Variants in FAM8A1 observed in about 807,000 individuals in gnomAD.
FAM8A1 encodes family with sequence similarity 8 member A1.
Under a neutral mutation model 38.3 loss-of-function variants are expected in FAM8A1, and 18 were observed. That is an observed-to-expected ratio of 0.47 (90% CI 0.33 to 0.70). The LOEUF (loss-of-function observed/expected upper bound fraction) is 0.70, where lower values mean the gene tolerates loss of function less well. Ranked by LOEUF, FAM8A1 falls within the 30% of genes least tolerant of loss-of-function variation. The probability of loss-of-function intolerance (pLI) is 0.03; values close to 1 mark genes in which losing one functional copy is unlikely to be tolerated. For synonymous variants in FAM8A1, 246 were observed against 234.4 expected, an observed-to-expected ratio of 1.05 and a Z score of -0.45; for missense variants, 559 against 559.6, an observed-to-expected ratio of 1.00 and a Z score of 0.01.
At position 17,601,641 on chromosome 6, in the gene FAM8A1, T is replaced by A. The variant is rs77270744; in HGVS notation, c.712+520T>A. On this transcript the variant is annotated intron_variant, in intron 1 of 4. Coordinates refer to ENST00000259963, the MANE Select transcript of FAM8A1 (RefSeq NM_016255.3). The stretch of plus-strand genomic sequence containing the variant: ...AATATCTTGTATATTGTGTAATTGT[T>A]TTTGCTTCTGTGTGTGAACTAGAAT... Among the ~76,000 whole-genome samples the A allele has an allele frequency of 6.6e-4, 101 of 152,340 alleles. 2 individuals are homozygous for A. In the East Asian group the frequency reaches 0.016, roughly 24 times the overall value.
At position 17,600,378 on chromosome 6, in the gene FAM8A1, C is replaced by T. The variant is rs1763962104; in HGVS notation, c.-32C>T. ...TTGGGGGAGGGAAACGGAGCAGTGA[C>T]AGGTATCCCAGAGGGTGCTGCTGAG... On this transcript the variant is annotated 5_prime_UTR_variant, in exon 1 of 5. Transcript: ENST00000259963. 7.3e-7 allele frequency: 1 copy of T among 1,360,662 alleles called. No individual in the cohort carries two copies. Among genetic ancestry groups the T allele is most frequent in the South Asian group, 1.8e-5 (1 of 54,852 alleles). 84.3% of individuals were successfully genotyped at this position (1,360,662 alleles called of 1,614,324 possible).
rs544019346 is a variant in FAM8A1 at position 17,600,999 on chromosome 6, C to T, written c.590C>T (p.Ala197Val). 190 of 1,589,758 alleles carry T rather than the reference C, an allele frequency of 1.2e-4. 1 individual carries two copies. The South Asian group carries it at 1.9e-3, about 16-fold the overall frequency. Reference sequence around the variant, plus strand: ...ACAGCTGCCGGCATCAGCACCCCTGCTCCAGTCGCGGGCCTGGGACCCCGG... The same window carrying T: ...ACAGCTGCCGGCATCAGCACCCCTGTTCCAGTCGCGGGCCTGGGACCCCGG... ...PRTAAGISTP[A>V]PVAGLGPRAP... Residue 197 changes from alanine (A) to valine (V), a missense_variant, in exon 1 of 5, where the codon GCT (alanine) becomes GTT (valine). This residue lies in a region of FAM8A1 where 393 missense variants were observed against 338.9 expected (regional missense o/e 1.16). Coordinates refer to ENST00000259963, the MANE Select transcript of FAM8A1 (RefSeq NM_016255.3).
chr6:17,606,285 C>T (rs1764052530), intron 4 of FAM8A1, among the ~76,000 whole-genome samples: 1 of 150,294 alleles, frequency 6.7e-6, no homozygotes, highest in South Asian at 2.1e-4. Context: ...ACTGCAGGCT[C>T]CGCCTCCCAG....
In FAM8A1 at chr6:17,600,610, G is replaced by A. The variant is rs1457485734; in HGVS notation, c.201G>A (p.Leu67=). The change falls in exon 1 of 5, where the codon TTG becomes TTA. Residue 67 remains leucine (L), a synonymous_variant. Transcript: ENST00000259963. ...CGGCTGCCGCCGCAGCCGACAAATTGGAGCCGCCGCGCGAGCTCAGGAAGC... is the reference window on the plus strand; with the variant it reads ...CGGCTGCCGCCGCAGCCGACAAATTAGAGCCGCCGCGCGAGCTCAGGAAGC... ...GLAAAAAADK[L]EPPRELRKRG... 7 of 1,500,496 alleles carry A rather than the reference G, an allele frequency of 4.7e-6. No homozygotes were observed. Among genetic ancestry groups the A allele is most frequent in the Non-Finnish European group, 6.2e-6 (7 of 1,129,528 alleles). The allele number at this position is 1,500,496 out of a possible 1,614,324, so 92.9% of individuals were successfully genotyped here. A position where few individuals can be genotyped will look rare whatever the true frequency, so the allele number is the denominator to read the frequency against.
Position 17,604,900 on chromosome 6 carries a change from G to T in FAM8A1, c.834-6G>T, listed in dbSNP as rs758527456. 1 of 1,575,362 alleles carries T rather than the reference G, an allele frequency of 6.3e-7. No homozygotes were observed. Reference sequence around the variant, plus strand: ...ATTTATAACCCCAAACTATTATTTTGTGTAGGGATATCTCTAAGTTTGCTA... The same window carrying T: ...ATTTATAACCCCAAACTATTATTTTTTGTAGGGATATCTCTAAGTTTGCTA... On this transcript the variant is annotated splice_region_variant and splice_polypyrimidine_tract_variant and intron_variant, in intron 2 of 4. Coordinates refer to ENST00000259963, the MANE Select transcript of FAM8A1 (RefSeq NM_016255.3).
chr6:17,601,950 C>T lies in FAM8A1; in HGVS notation c.713-640C>T, dbSNP rs571020705. 3.3e-5 allele frequency among the ~76,000 whole-genome samples: 5 copies of T among 152,290 alleles called. No homozygotes were observed. In the South Asian group the frequency reaches 1.0e-3, roughly 32 times the overall value. ...ATTTTGTGTGACTTAGATGTGATCA[C>T]CTGGATTCTCCTCATTAGAATTCCT... On this transcript the variant is annotated intron_variant, in intron 1 of 4. Coordinates refer to ENST00000259963, the MANE Select transcript of FAM8A1 (RefSeq NM_016255.3).
chr6:17,602,596 AAT>A lies in FAM8A1; in HGVS notation c.722_723del (p.Tyr241CysfsTer41). 1 of 1,601,090 alleles carries A rather than the reference AAT, an allele frequency of 6.2e-7. No homozygotes were observed. The highest frequency in any genetic ancestry group is 8.5e-7 in the Non-Finnish European group (1 of 1,177,170). On this transcript the variant is annotated frameshift_variant, in exon 2 of 5. Transcript: ENST00000259963. LOFTEE classifies it high-confidence loss of function. Reference sequence around the variant, plus strand: ...TTTTTTTTTTAATTTACAGGCAGAGAATATGTTATTCCATCCTTGGCCCACAG... The same window carrying A: ...TTTTTTTTTTAATTTACAGGCAGAGAATGTTATTCCATCCTTGGCCCACAG...
chr6:17,602,241 G>C (rs1763994756), intron 1 of FAM8A1, among the ~76,000 whole-genome samples: 1 of 152,232 alleles, frequency 6.6e-6, no homozygotes, highest in African/African-American at 2.4e-5. Flanking sequence ...ATGTTGGCCA[G>C]GGCCAGACTG....
chr6:17,607,742 C>T (rs1454511134), intron 4 of FAM8A1, among the ~76,000 whole-genome samples: 3 of 152,118 alleles, frequency 2.0e-5, no homozygotes, highest in African/African-American at 7.2e-5. Context: ...CTTTTAAAAG[C>T]TTTGCTTAAT....
rs772019710 is a variant in FAM8A1 at position 17,600,440 on chromosome 6, C to T, written c.31C>T (p.His11Tyr). 2.7e-6 allele frequency: 4 copies of T among 1,454,890 alleles called. No homozygotes were observed. The highest frequency in any genetic ancestry group is 2.9e-5 in the Admixed American group (1 of 34,916). The allele number at this position is 1,454,890 out of a possible 1,614,324, so 90.1% of individuals were successfully genotyped here. A position where few individuals can be genotyped will look rare whatever the true frequency, so the allele number is the denominator to read the frequency against. ...CGAGGGGCCCGAGGAAGCCCGAGGC[C>T]ACCCTCCCGGGCAGGACGATGGCGG... MAEGPEEARG[H>Y]PPGQDDGGGD... The change falls in exon 1 of 5, where the codon CAC (histidine) becomes TAC (tyrosine). Residue 11 changes from histidine to tyrosine, a missense_variant. Physicochemically the swap from His to Tyr is moderately conservative, Grantham distance 83. Transcript: ENST00000259963.
chr6:17,608,331 G>T lies in FAM8A1; in HGVS notation c.1234G>T (p.Val412Phe), dbSNP rs1308793785. 2 of 1,610,912 alleles carry T rather than the reference G, an allele frequency of 1.2e-6. No homozygotes were observed. The highest frequency in any genetic ancestry group is 2.7e-5 in the African/African-American group (2 of 74,940). The stretch of plus-strand genomic sequence containing the variant: ...AACCATTGTGGTAAAAAGAAATGGG[G>T]TCAGATGATGCCCCCCAAAACCCTG... ...AGTIVVKRNG[V>F]R is the part of the protein sequence containing the mutation. Residue 412 changes from valine to phenylalanine, a missense_variant, in exon 5 of 5, where the codon GTC becomes TTC. Around this residue, in one of 2 missense-constraint regions of FAM8A1, gnomAD observed 166 missense variants for 220.8 expected, o/e 0.75. Coordinates refer to ENST00000259963, the MANE Select transcript of FAM8A1 (RefSeq NM_016255.3).
chr6:17,608,538 T>G lies in FAM8A1; in HGVS notation c.*199T>G. ...AAGAAAAACCTGTTAAATTCAAGTATTAAAATTTTTAGATCAAAAAGGCAA... is the reference window on the plus strand; with the variant it reads ...AAGAAAAACCTGTTAAATTCAAGTAGTAAAATTTTTAGATCAAAAAGGCAA... On this transcript the variant is annotated 3_prime_UTR_variant, in exon 5 of 5. Transcript: ENST00000259963. 2.2e-6 allele frequency: 1 copy of G among 455,446 alleles called. No homozygotes were observed. The highest frequency in any genetic ancestry group is 3.6e-6 in the Non-Finnish European group (1 of 276,340). The allele number at this position is 455,446 out of a possible 1,614,324, so 28.2% of individuals were successfully genotyped here.
intron 2 of FAM8A1, among the ~76,000 whole-genome samples, chr6:17,603,397 TAGTA>T (rs1259206832): frequency 6.6e-6 from 1 of 152,172 alleles, no homozygotes; most frequent in Non-Finnish European, 1.5e-5. Context: ...GTTACAAAGG[TAGTA>T]AGTGACAGAG....
chr6:17,601,148 CG>C (rs752225242), intron 1 of FAM8A1, 27 bp downstream of exon 1: 38 of 1,565,498 alleles, frequency 2.4e-5, no homozygotes, highest in Non-Finnish European at 3.2e-5. Flanking sequence ...GGAGGCTGGG[CG>C]GAGTAGAAGG....
chr6:17,600,436 A>C lies in FAM8A1; in HGVS notation c.27A>C (p.Arg9=). 6.9e-7 allele frequency: 1 copy of C among 1,451,770 alleles called. No individual in the cohort carries two copies. The highest frequency in any genetic ancestry group is 9.1e-7 in the Non-Finnish European group (1 of 1,103,236). The allele number at this position is 1,451,770 out of a possible 1,614,324, so 89.9% of individuals were successfully genotyped here. A position where few individuals can be genotyped will look rare whatever the true frequency, so the allele number is the denominator to read the frequency against. ...TGGCCGAGGGGCCCGAGGAAGCCCG[A>C]GGCCACCCTCCCGGGCAGGACGATG... MAEGPEEA[R]GHPPGQDDGG... is the part of the protein sequence containing the mutation. Residue 9 remains arginine (R), a synonymous_variant, in exon 1 of 5, where the codon CGA becomes CGC. Transcript: ENST00000259963.
At position 17,602,699 on chromosome 6, in the gene FAM8A1, C is replaced by T; in HGVS notation, c.822C>T (p.Leu274=). The change falls in exon 2 of 5, where the codon CTC becomes CTT. Residue 274 remains leucine (L), a synonymous_variant. Coordinates refer to ENST00000259963, the MANE Select transcript of FAM8A1 (RefSeq NM_016255.3). ...KATIVLSIMH[L]SGIKDISKFA... ...CCATTGTCTTAAGCATTATGCACCT[C>T]AGTGGGATAAAGTAAGTTGAGGACA... 6.2e-7 allele frequency: 1 copy of T among 1,606,114 alleles called. No homozygotes were observed. The highest frequency in any genetic ancestry group is 1.3e-5 in the African/African-American group (1 of 74,512).
Position 17,600,398 on chromosome 6 carries a change from G to T in FAM8A1, c.-12G>T. On this transcript the variant is annotated 5_prime_UTR_variant, in exon 1 of 5. Transcript: ENST00000259963. Reference sequence around the variant, plus strand: ...AGTGACAGGTATCCCAGAGGGTGCTGCTGAGGCGACGATGGCCGAGGGGCC... The same window carrying T: ...AGTGACAGGTATCCCAGAGGGTGCTTCTGAGGCGACGATGGCCGAGGGGCC... 1 of 1,408,152 alleles carries T rather than the reference G, an allele frequency of 7.1e-7. No individual in the cohort carries two copies. Among genetic ancestry groups the T allele is most frequent in the Non-Finnish European group, 9.3e-7 (1 of 1,080,510 alleles). 87.2% of individuals were successfully genotyped at this position (1,408,152 alleles called of 1,614,324 possible).
chr6:17,605,847 A>G, intron 3 of FAM8A1, 27 bp from the exon 4 acceptor site: 1 of 1,478,292 alleles, frequency 6.8e-7, no homozygotes, highest in African/African-American at 1.4e-5. Context: ...TGAGCCAGTA[A>G]TTTTTAAATC....
intron 2 of FAM8A1, among the ~76,000 whole-genome samples, chr6:17,603,830 C>A (rs11969482): frequency 6.6e-6 from 1 of 152,200 alleles, no homozygotes; most frequent in East Asian, 1.9e-4. Context: ...AAATGATCCT[C>A]CTGCCTTAGC....
Sources: allele counts gnomAD v4.1 joint callset (sites outside exome capture counted in the v4.1 genomes callset), GRCh38; gene constraint gnomAD v4.1.1; regional missense constraint gnomAD v4.1.1; transcripts MANE v1.5; gene names NCBI Gene and HGNC (gene_info 2026-07-23, HGNC 2026-07-21).